The following NEDD4 variants were observed in gnomAD, a reference collection of about 807,000 sequenced individuals.
NEDD4 encodes E3 ubiquitin-protein ligase NEDD4.
In NEDD4, 99 loss-of-function variants were observed where a neutral mutation model predicts 144.9. The observed-to-expected ratio is 0.68, with a 90% CI of 0.58 to 0.81. The LOEUF is 0.81. Among genes scored for constraint, NEDD4 ranks in the 30% least tolerant of loss-of-function variants. The pLI, the probability that NEDD4 is intolerant of heterozygous loss-of-function variation, is 0.00. For missense variants in NEDD4, 985 were observed against 1,065.9 expected (o/e 0.92, Z 1.06); for synonymous variants, 318 against 350.6 (o/e 0.91, Z 1.04).
At chr15:55,930,038 AAG>A (rs1431670504) in intron 4 of NEDD4, among the ~76,000 whole-genome samples, 2 of 152,312 alleles carry the variant, frequency 1.3e-5, no homozygotes, top group East Asian at 3.9e-4. Flanking sequence ...GAAAATAAAA[AAG>A]AGGATTTTCT....
intron 8 of NEDD4, among the ~76,000 whole-genome samples, chr15:55,866,305 T>A (rs996458800): frequency 6.6e-6 from 1 of 152,040 alleles, no homozygotes; most frequent in Non-Finnish European, 1.5e-5. Context: ...TTCTCTTCTT[T>A]CCTTATATCC....
chr15:55,900,123 A>C (rs1045709022), intron 5 of NEDD4, among the ~76,000 whole-genome samples: 1 of 151,984 alleles, frequency 6.6e-6, no homozygotes, highest in African/African-American at 2.4e-5. Flanking sequence ...GGTTGAGATA[A>C]GCTTTTTAAG....
At chr15:55,847,967 T>C (rs1338008419) in intron 17 of NEDD4, among the ~76,000 whole-genome samples, 1 of 152,144 alleles carries the variant, frequency 6.6e-6, no homozygotes, top group African/African-American at 2.4e-5. Flanking sequence ...GGTGTGAGCC[T>C]GGCTTGATTT....
At chr15:55,872,122 T>C (rs2034821669) in intron 7 of NEDD4, among the ~76,000 whole-genome samples, 1 of 152,106 alleles carries the variant, frequency 6.6e-6, no homozygotes, top group African/African-American at 2.4e-5. Context: ...TTTTAAAGCA[T>C]AGTATGACAA....
At chr15:55,992,009 T>C (rs1414657224) in intron 1 of NEDD4, 1 of 152,178 alleles carries the variant, frequency 6.6e-6, no homozygotes, top group Non-Finnish European at 1.5e-5. Flanking sequence ...GGCCTACCTG[T>C]GAATATAGCA....
chr15:55,854,771 G>C (rs930335264), intron 12 of NEDD4, among the ~76,000 whole-genome samples: 3 of 151,624 alleles, frequency 2.0e-5, no homozygotes, highest in Admixed American at 2.0e-4. Flanking sequence ...CTCCAAGAAA[G>C]CTCTTAAAAA....
At chr15:55,947,271 AAAG>A (rs567578940) in intron 4 of NEDD4, among the ~76,000 whole-genome samples, 284 of 152,334 alleles carry the variant, frequency 1.9e-3, no homozygotes, top group African/African-American at 6.5e-3. Context: ...CAAGACTAAT[AAAG>A]AAGAAAAGAG....
At chr15:55,918,640 G>T (rs1330102575) in intron 5 of NEDD4, among the ~76,000 whole-genome samples, 2 of 151,330 alleles carry the variant, frequency 1.3e-5, no homozygotes, top group African/African-American at 4.8e-5. Context: ...TTTCTAAACA[G>T]ATTTTTAATC....
intron 15 of NEDD4, 98 bp downstream of exon 15, chr15:55,848,708 A>T: frequency 7.7e-7 from 1 of 1,294,652 alleles, no homozygotes; most frequent in Non-Finnish European, 1.1e-6. Flanking sequence ...ACATTTTAAT[A>T]ATAACATTAA....
intron 2 of NEDD4, among the ~76,000 whole-genome samples, chr15:55,962,976 G>A (rs936974977): frequency 2.0e-5 from 3 of 151,600 alleles, no homozygotes; most frequent in African/African-American, 7.3e-5. Context: ...GTAGAGATGG[G>A]ATTTCACCAT....
rs181723536 is a variant in NEDD4 at position 55,866,584 on chromosome 15, C to T, written c.507+2995G>A. Among the ~76,000 whole-genome samples the T allele has an allele frequency of 2.0e-5, 3 of 152,202 alleles. No homozygotes were observed. In the East Asian group the frequency reaches 5.8e-4, roughly 29 times the overall value. ...TACAATTTATTAATAAAATAGTTCT[C>T]ACTACTGCTGTAAAGGATTATAAAA... is the stretch of plus-strand genomic sequence containing the variant. On this transcript the variant is annotated intron_variant, in intron 8 of 28. Transcript: ENST00000435532.
intron 4 of NEDD4, among the ~76,000 whole-genome samples, chr15:55,935,802 G>C (rs371178481): frequency 6.9e-6 from 1 of 144,184 alleles, no homozygotes; most frequent in Non-Finnish European, 1.5e-5. Context: ...AGTTGAGATC[G>C]TGCCACTACA....
Position 55,942,576 on chromosome 15 carries a change from G to A in NEDD4, c.237+8800C>T, listed in dbSNP as rs1265591761. 4.6e-5 allele frequency among the ~76,000 whole-genome samples: 7 copies of A among 152,204 alleles called. No homozygotes were observed. The East Asian group carries it at 1.4e-3, about 29-fold the overall frequency. On this transcript the variant is annotated intron_variant, in intron 4 of 28. Transcript: ENST00000435532. ...TGAGCCTGCTTCCCCTTCACCTTCTGTCACAATTGTTAAGTTTCCTGAGGC... is the reference window on the plus strand; with the variant it reads ...TGAGCCTGCTTCCCCTTCACCTTCTATCACAATTGTTAAGTTTCCTGAGGC...
intron 5 of NEDD4, among the ~76,000 whole-genome samples, chr15:55,919,175 C>T (rs2036524666): frequency 6.6e-6 from 1 of 152,110 alleles, no homozygotes; most frequent in Admixed American, 6.6e-5. Flanking sequence ...TTCTGATGCT[C>T]CTGAGCTCAT....
At chr15:55,951,152 T>A (rs2037230608) in intron 4 of NEDD4, among the ~76,000 whole-genome samples, 1 of 152,196 alleles carries the variant, frequency 6.6e-6, no homozygotes, top group African/African-American at 2.4e-5. Context: ...CTGTACAGTC[T>A]CTAAATCAGT....
At chr15:55,946,250 C>T (rs2037111378) in intron 4 of NEDD4, among the ~76,000 whole-genome samples, 1 of 152,152 alleles carries the variant, frequency 6.6e-6, no homozygotes, top group South Asian at 2.1e-4. Context: ...GTGCTGTATT[C>T]AGGAGACCCA....
intron 1 of NEDD4, among the ~76,000 whole-genome samples, chr15:55,976,581 G>A (rs1313470107): frequency 2.6e-5 from 4 of 151,282 alleles, no homozygotes; most frequent in Non-Finnish European, 4.4e-5. Flanking sequence ...AACAAATGCT[G>A]GCAAGAACGT....
intron 4 of NEDD4, among the ~76,000 whole-genome samples, chr15:55,929,475 C>T (rs78907480): frequency 0.02 from 2,958 of 151,658 alleles, 108 homozygotes; most frequent in African/African-American, 0.068. Flanking sequence ...TTTCTATCCT[C>T]ACCCTCCTCC....
chr15:55,943,280 G>C (rs1429582642), intron 4 of NEDD4, among the ~76,000 whole-genome samples: 2 of 152,218 alleles, frequency 1.3e-5, no homozygotes, highest in African/African-American at 4.8e-5. Context: ...GCCAGCTGCT[G>C]GAGCTGAATG....
Sources: allele counts gnomAD v4.1 joint callset (sites outside exome capture counted in the v4.1 genomes callset), GRCh38; gene constraint gnomAD v4.1.1; transcripts MANE v1.5; gene names NCBI Gene and HGNC (gene_info 2026-07-23, HGNC 2026-07-21).